RANBP2: variants seen among roughly 807,000 people sequenced by gnomAD.
The protein encoded by RANBP2 is RAN binding protein 2.
In RANBP2, 57 loss-of-function variants were observed where a neutral mutation model predicts 303.6. The ratio of observed to expected loss-of-function variants is 0.19; its 90% CI spans 0.15 to 0.23. The LOEUF (loss-of-function observed/expected upper bound fraction) is 0.23. Ranked by LOEUF, RANBP2 falls within the 10% of genes least tolerant of loss-of-function variation. The pLI is 1.00. For missense variants in RANBP2, 3,138 were observed against 3,780.8 expected, an observed-to-expected ratio of 0.83 and a Z score of 4.46; for synonymous variants, 1,167 against 1,301.5, an observed-to-expected ratio of 0.90 and a Z score of 2.23.
chr2:108,969,621 T>C, the RANBP2 span, among the ~76,000 whole-genome samples: 3 of 152,188 alleles, frequency 2.0e-5, no homozygotes. Context: ...TAATTTTTCA[T>C]TAAGTACAGG....
At chr2:109,249,495 T>TTC in the RANBP2 span, among the ~76,000 whole-genome samples, 2 of 24,928 alleles carry the variant, frequency 8.0e-5, no homozygotes, top group African/African-American at 6.3e-4. Flanking sequence ...CTTTCTTTCT[T>TTC]TCTTTCTTTC....
At chr2:109,370,744 C>A in the RANBP2 span, among the ~76,000 whole-genome samples, 5 of 152,182 alleles carry the variant, frequency 3.3e-5, no homozygotes, top group South Asian at 4.1e-4. Flanking sequence ...CTCAACCCCC[C>A]CGAAAGCCCG....
the RANBP2 span, among the ~76,000 whole-genome samples, chr2:109,718,835 C>A: frequency 5.3e-5 from 8 of 151,612 alleles, no homozygotes; most frequent in Non-Finnish European, 1.5e-5. Flanking sequence ...CATGGTGAAA[C>A]CCCGTCTCTA....
At chr2:109,670,701 C>T in the RANBP2 span, among the ~76,000 whole-genome samples, 1 of 152,198 alleles carries the variant, frequency 6.6e-6, no homozygotes, top group Non-Finnish European at 1.5e-5. Flanking sequence ...TGGCAGGGCC[C>T]CCACACCTGC....
intron 17 of RANBP2, among the ~76,000 whole-genome samples, chr2:108,758,023 C>A (rs759308530): frequency 6.6e-6 from 1 of 152,066 alleles, no homozygotes; most frequent in African/African-American, 2.4e-5. Context: ...CAGGTCCGGG[C>A]GTGGTGGGTC....
chr2:109,574,002 G>A, the RANBP2 span, among the ~76,000 whole-genome samples: 1 of 152,166 alleles, frequency 6.6e-6, no homozygotes, highest in Non-Finnish European at 1.5e-5. Context: ...CATTAAAAAT[G>A]CAGAGAATAC....
the RANBP2 span, among the ~76,000 whole-genome samples, chr2:109,021,204 G>T: frequency 6.6e-6 from 1 of 152,166 alleles, no homozygotes; most frequent in African/African-American, 2.4e-5. Flanking sequence ...AAGCAACACC[G>T]ATCAGCATGG....
chr2:109,695,715 G>A, the RANBP2 span, among the ~76,000 whole-genome samples: 1 of 152,194 alleles, frequency 6.6e-6, no homozygotes, highest in African/African-American at 2.4e-5. Flanking sequence ...ACTGGCACCT[G>A]CTTCCATGGG....
chr2:109,273,599 G>T, the RANBP2 span, among the ~76,000 whole-genome samples: 3 of 152,314 alleles, frequency 2.0e-5, no homozygotes, highest in Admixed American at 2.0e-4. Flanking sequence ...TTTGTGGTGG[G>T]ACAGGCTTAG....
the RANBP2 span, among the ~76,000 whole-genome samples, chr2:109,205,657 T>G: frequency 3.3e-5 from 5 of 152,174 alleles, no homozygotes; most frequent in Non-Finnish European, 5.9e-5. Flanking sequence ...CTCAGTCTGT[T>G]GGTGTCAGGG....
At chr2:109,015,641 C>T in the RANBP2 span, among the ~76,000 whole-genome samples, 1 of 151,898 alleles carries the variant, frequency 6.6e-6, no homozygotes, top group Admixed American at 6.6e-5. Flanking sequence ...GCCTGCAGTC[C>T]CAGCTACTTG....
the RANBP2 span, among the ~76,000 whole-genome samples, chr2:109,590,078 A>ATATGTATATATATACACACATATATATG: frequency 6.8e-5 from 10 of 147,576 alleles, no homozygotes; most frequent in East Asian, 5.9e-4. Flanking sequence ...ACACACATAT[A>ATATGTATATATATACACACATATATATG]TATGTATATA....
intron 8 of RANBP2, among the ~76,000 whole-genome samples, chr2:108,748,462 C>G (rs1281327062): frequency 6.7e-6 from 1 of 150,278 alleles, no homozygotes; most frequent in East Asian, 2.0e-4. Context: ...ACCTCATTAT[C>G]CACCCAGCTT....
the RANBP2 span, among the ~76,000 whole-genome samples, chr2:109,482,307 A>G: frequency 6.6e-6 from 1 of 152,130 alleles, no homozygotes; most frequent in Non-Finnish European, 1.5e-5. Flanking sequence ...ATATTTAGAT[A>G]ATTATGTAGT....
the RANBP2 span, among the ~76,000 whole-genome samples, chr2:109,555,772 G>T: frequency 1.3e-5 from 2 of 152,206 alleles, no homozygotes; most frequent in Non-Finnish European, 2.9e-5. Context: ...AACGGCTTAA[G>T]AAGCTTGGGG....
chr2:108,794,462 C>T, the RANBP2 span: 3 of 1,290,092 alleles, frequency 2.3e-6, no homozygotes, highest in South Asian at 1.6e-5. Context: ...TAAAGCATCT[C>T]TTCCTAAAGG....
At chr2:109,774,670 T>C in the RANBP2 span, among the ~76,000 whole-genome samples, 1 of 56,376 alleles carries the variant, frequency 1.8e-5, no homozygotes. Context: ...TTCAAGCTAT[T>C]ACAGGTTTTA....
the RANBP2 span, chr2:109,615,957 G>C: frequency 6.3e-7 from 1 of 1,586,028 alleles, no homozygotes; most frequent in Non-Finnish European, 8.6e-7. Flanking sequence ...CTCTTTCAGG[G>C]ACCCAGAGCA....
At chr2:109,319,209 C>T in the RANBP2 span, among the ~76,000 whole-genome samples, 1 of 152,206 alleles carries the variant, frequency 6.6e-6, no homozygotes, top group Non-Finnish European at 1.5e-5. Flanking sequence ...CAGATAGTGA[C>T]AGTGGCATCG....
Sources: allele counts gnomAD v4.1 joint callset (sites outside exome capture counted in the v4.1 genomes callset), GRCh38; gene constraint gnomAD v4.1.1; transcripts MANE v1.5; gene names NCBI Gene and HGNC (gene_info 2026-07-23, HGNC 2026-07-21).